CNTN5: variants seen among roughly 807,000 people sequenced by gnomAD.
CNTN5 encodes contactin-5.
CNTN5 carries 77 observed loss-of-function variants against 129.1 expected under a neutral mutation model. The observed-to-expected ratio is 0.60, with a 90% CI of 0.50 to 0.72. CNTN5 has a LOEUF of 0.72. CNTN5 is among the 30% of genes least tolerant of loss of function. The pLI, the probability that CNTN5 is intolerant of heterozygous loss-of-function variation, is 0.00. For missense variants in CNTN5, 1,478 were observed against 1,328.8 expected (o/e 1.11, Z -1.75); for synonymous variants, 509 against 465.6 (o/e 1.09, Z -1.20).
intron 2 of CNTN5, among the ~76,000 whole-genome samples, chr11:99,354,933 C>T (rs1379293182): frequency 6.6e-6 from 1 of 152,150 alleles, no homozygotes; most frequent in East Asian, 1.9e-4. Flanking sequence ...TAGCCCTACC[C>T]CTCTCTCCTA....
chr11:99,723,162 T>C (rs1417088706), intron 3 of CNTN5, among the ~76,000 whole-genome samples: 1 of 152,108 alleles, frequency 6.6e-6, no homozygotes. Flanking sequence ...TGGTATATAA[T>C]TGATTCTGTG....
intron 9 of CNTN5, among the ~76,000 whole-genome samples, chr11:100,055,384 G>GT (rs1943173582): frequency 1.3e-5 from 2 of 151,012 alleles, no homozygotes; most frequent in Admixed American, 1.3e-4. Flanking sequence ...TATTATTTGT[G>GT]TTTTTTCTTA....
chr11:100,168,977 T>C (rs1947741558), intron 13 of CNTN5, among the ~76,000 whole-genome samples: 1 of 151,940 alleles, frequency 6.6e-6, no homozygotes, highest in South Asian at 2.1e-4. Flanking sequence ...AGGAAGTTAC[T>C]GCAGATGTGT....
intron 3 of CNTN5, among the ~76,000 whole-genome samples, chr11:99,812,971 G>A (rs1008669890): frequency 6.6e-6 from 1 of 151,220 alleles, no homozygotes; most frequent in Non-Finnish European, 1.5e-5. Flanking sequence ...TTTGTTTAAT[G>A]TTCCTCTACT....
chr11:99,121,573 A>T (rs1858330912), intron 1 of CNTN5, among the ~76,000 whole-genome samples: 1 of 134,968 alleles, frequency 7.4e-6, no homozygotes, highest in Non-Finnish European at 1.7e-5. Flanking sequence ...AGTTTTCTTA[A>T]AAAAGAGAGC....
chr11:99,992,430 G>A (rs747912436), intron 8 of CNTN5, among the ~76,000 whole-genome samples: 3 of 152,120 alleles, frequency 2.0e-5, no homozygotes, highest in African/African-American at 7.2e-5. Context: ...TCTGCATGCC[G>A]TTTTTCAGAC....
At chr11:99,172,872 A>G (rs1861210641) in intron 1 of CNTN5, among the ~76,000 whole-genome samples, 1 of 152,176 alleles carries the variant, frequency 6.6e-6, no homozygotes, top group Non-Finnish European at 1.5e-5. Context: ...TTGAGATTTA[A>G]GTATAATTCT....
intron 3 of CNTN5, among the ~76,000 whole-genome samples, chr11:99,787,592 G>A (rs576806472): frequency 2.0e-5 from 3 of 151,274 alleles, no homozygotes; most frequent in Non-Finnish European, 4.4e-5. Flanking sequence ...TCAATAAGTT[G>A]TCATTGCCAG....
chr11:99,953,631 A>G (rs181633312), intron 7 of CNTN5, among the ~76,000 whole-genome samples: 3 of 63,988 alleles, frequency 4.7e-5, no homozygotes, highest in Admixed American at 4.1e-4. Flanking sequence ...AACCTAGAGG[A>G]TGAATGATCA....
At chr11:99,785,823 C>G (rs878924539) in intron 3 of CNTN5, among the ~76,000 whole-genome samples, 2 of 152,032 alleles carry the variant, frequency 1.3e-5, no homozygotes, top group Non-Finnish European at 2.9e-5. Context: ...GCTAAAAACT[C>G]TAAATAAAGT....
In CNTN5 at chr11:99,689,338, T is replaced by C. The variant is rs554453700; in HGVS notation, c.56-130206T>C. On this transcript the variant is annotated intron_variant, in intron 3 of 24. Coordinates refer to ENST00000524871, the MANE Select transcript of CNTN5 (RefSeq NM_014361.4). ...GTCAGGAGATCGAGACCATCCTGGC[T>C]AACACAGTGAAACCCCGTCTCTACT... 2.0e-3 allele frequency among the ~76,000 whole-genome samples: 311 copies of C among 151,808 alleles called. 1 individual carries two copies. The highest frequency in any genetic ancestry group is 3.5e-3 in the Non-Finnish European group (241 of 67,900).
intron 3 of CNTN5, among the ~76,000 whole-genome samples, chr11:99,819,319 C>CCTGTT (rs1565566937): frequency 5.6e-5 from 3 of 53,442 alleles, no homozygotes; most frequent in African/African-American, 7.3e-5. Context: ...CCTCTCCTCC[C>CCTGTT]CTCCCCTCCC....
At chr11:99,733,868 C>T (rs1943614635) in intron 3 of CNTN5, among the ~76,000 whole-genome samples, 1 of 152,186 alleles carries the variant, frequency 6.6e-6, no homozygotes, top group Non-Finnish European at 1.5e-5. Context: ...AGCCTACTGA[C>T]TTATGAACTG....
intron 8 of CNTN5, among the ~76,000 whole-genome samples, chr11:99,983,419 A>C (rs2137370866): frequency 6.6e-6 from 1 of 152,308 alleles, no homozygotes; most frequent in Non-Finnish European, 1.5e-5. Context: ...GTAAAATCCA[A>C]ATTTGGATGG....
chr11:99,106,364 T>A (rs540636745), intron 1 of CNTN5, among the ~76,000 whole-genome samples: 3 of 152,240 alleles, frequency 2.0e-5, no homozygotes, highest in East Asian at 3.9e-4. Flanking sequence ...AGAGAACATG[T>A]TAATGGTTTG....
intron 3 of CNTN5, among the ~76,000 whole-genome samples, chr11:99,570,228 C>A (rs1949135299): frequency 6.6e-6 from 1 of 151,858 alleles, no homozygotes; most frequent in Non-Finnish European, 1.5e-5. Flanking sequence ...GCTCACAGTG[C>A]CGTTGCTGGC....
intron 2 of CNTN5, among the ~76,000 whole-genome samples, chr11:99,512,388 A>T (rs1439512274): frequency 6.6e-6 from 1 of 152,150 alleles, no homozygotes; most frequent in Non-Finnish European, 1.5e-5. Flanking sequence ...TCGTTAAAGT[A>T]TATTTATGAT....
chr11:100,303,764 C>G (rs1296121009), intron 20 of CNTN5, among the ~76,000 whole-genome samples: 1 of 151,602 alleles, frequency 6.6e-6, no homozygotes, highest in African/African-American at 2.4e-5. Flanking sequence ...TTCTCCAGAT[C>G]CATCCTTAGC....
chr11:99,413,435 A>G (rs1208472407), intron 2 of CNTN5, among the ~76,000 whole-genome samples: 1 of 152,096 alleles, frequency 6.6e-6, no homozygotes, highest in East Asian at 1.9e-4. Flanking sequence ...CCTAGCCTAC[A>G]TGGTGAAACA....
Sources: allele counts gnomAD v4.1 joint callset (sites outside exome capture counted in the v4.1 genomes callset), GRCh38; gene constraint gnomAD v4.1.1; transcripts MANE v1.5; gene names NCBI Gene and HGNC (gene_info 2026-07-23, HGNC 2026-07-21).